Variants in LARGE1 observed in about 807,000 individuals in gnomAD.
LARGE1 encodes LARGE xylosyl- and glucuronyltransferase 1.
In LARGE1, 43 loss-of-function variants were observed where a neutral mutation model predicts 87.6. The ratio of observed to expected loss-of-function variants is 0.49; its 90% CI spans 0.38 to 0.63. The LOEUF is 0.63. Ranked by LOEUF, LARGE1 falls within the 30% of genes least tolerant of loss-of-function variation. The pLI is 0.00. For missense variants in LARGE1, 802 were observed against 1,000.2 expected, an observed-to-expected ratio of 0.80 and a Z score of 2.67; for synonymous variants, 434 against 394.6, an observed-to-expected ratio of 1.10 and a Z score of -1.18.
At chr22:33,207,786 G>A (rs948450049) in intron 11 of LARGE1, among the ~76,000 whole-genome samples, 14 of 152,248 alleles carry the variant, frequency 9.2e-5, no homozygotes, top group Admixed American at 3.9e-4. Context: ...CCAGGCTACC[G>A]TCTTTTAGGC....
At chr22:33,421,419 G>A (rs1374765622) in intron 7 of LARGE1, among the ~76,000 whole-genome samples, 1 of 152,144 alleles carries the variant, frequency 6.6e-6, no homozygotes, top group Non-Finnish European at 1.5e-5. Context: ...GTAACAGGTG[G>A]AGGTGGGACT....
chr22:33,290,423 G>T (rs741981), intron 12 of LARGE1, among the ~76,000 whole-genome samples: 3,203 of 152,236 alleles, frequency 0.021, 103 homozygotes, highest in African/African-American at 0.073. Context: ...TGCAATTTCC[G>T]TATCTGTAAC....
At chr22:33,788,246 C>A (rs1468809670) in intron 1 of LARGE1, among the ~76,000 whole-genome samples, 2 of 152,210 alleles carry the variant, frequency 1.3e-5, no homozygotes, top group Non-Finnish European at 2.9e-5. Flanking sequence ...AAAGGGCATT[C>A]CCCTGCACAA....
intron 2 of LARGE1, among the ~76,000 whole-genome samples, chr22:33,667,747 T>C (rs1283358554): frequency 1.3e-5 from 2 of 152,238 alleles, no homozygotes; most frequent in Admixed American, 1.3e-4. Context: ...TTAAGGCATG[T>C]ATAAACTAGG....
intron 6 of LARGE1, among the ~76,000 whole-genome samples, chr22:33,553,285 C>T (rs1435982016): frequency 5.3e-5 from 8 of 152,046 alleles, no homozygotes; most frequent in Admixed American, 3.3e-4. Flanking sequence ...GCGGGAGGAT[C>T]GCTTGAGCCC....
chr22:33,595,450 A>G (rs930525581), intron 5 of LARGE1, among the ~76,000 whole-genome samples: 5 of 152,300 alleles, frequency 3.3e-5, no homozygotes, highest in Middle Eastern at 3.4e-3. Flanking sequence ...TTGCAGAACC[A>G]CAGAGAATGT....
chr22:33,501,729 G>C (rs1361632300), intron 6 of LARGE1, among the ~76,000 whole-genome samples: 1 of 152,190 alleles, frequency 6.6e-6, no homozygotes, highest in Non-Finnish European at 1.5e-5. Flanking sequence ...CACTCACCCA[G>C]GCATGATGTG....
chr22:33,485,902 G>T (rs999216905), intron 6 of LARGE1, among the ~76,000 whole-genome samples: 8 of 152,160 alleles, frequency 5.3e-5, no homozygotes, highest in Non-Finnish European at 1.0e-4. Flanking sequence ...ATAAGCTCCA[G>T]GTGGGCAGAA....
At chr22:33,248,419 T>C (rs1926867173) in intron 11 of LARGE1, among the ~76,000 whole-genome samples, 2 of 152,130 alleles carry the variant, frequency 1.3e-5, no homozygotes, top group Non-Finnish European at 2.9e-5. Flanking sequence ...CTTGAACTCC[T>C]GACTTCCTGA....
the LARGE1 span, among the ~76,000 whole-genome samples, chr22:33,078,262 T>C: frequency 6.6e-6 from 1 of 152,228 alleles, no homozygotes; most frequent in African/African-American, 2.4e-5. Flanking sequence ...TGCCAAATTG[T>C]CATCATTTAG....
the LARGE1 span, among the ~76,000 whole-genome samples, chr22:33,082,120 C>A: frequency 1.3e-5 from 2 of 152,062 alleles, no homozygotes; most frequent in Non-Finnish European, 2.9e-5. Context: ...CCAAGAGTAT[C>A]CATTTCCTTT....
chr22:33,706,309 C>G (rs527664581), intron 2 of LARGE1, among the ~76,000 whole-genome samples: 1 of 152,276 alleles, frequency 6.6e-6, no homozygotes, highest in Non-Finnish European at 1.5e-5. Context: ...TCCAGGGTAC[C>G]GCCTCCAATG....
intron 1 of LARGE1, among the ~76,000 whole-genome samples, chr22:33,849,278 C>T (rs753483746): frequency 7.2e-5 from 11 of 152,210 alleles, no homozygotes; most frequent in Admixed American, 3.3e-4. Flanking sequence ...CAGAACATCT[C>T]AACCACCTGG....
intron 3 of LARGE1, among the ~76,000 whole-genome samples, chr22:33,635,340 A>G (rs1192956945): frequency 1.3e-5 from 2 of 152,102 alleles, no homozygotes; most frequent in African/African-American, 4.8e-5. Flanking sequence ...TCTGCTGTTC[A>G]GCCTGCGGTC....
intron 3 of LARGE1, among the ~76,000 whole-genome samples, chr22:33,645,876 C>T (rs556455321): frequency 2.0e-5 from 3 of 152,146 alleles, no homozygotes; most frequent in Non-Finnish European, 2.9e-5. Context: ...AAATGCAAAT[C>T]AAAACCACAA....
intron 12 of LARGE1, among the ~76,000 whole-genome samples, chr22:33,293,979 C>T (rs568426581): frequency 2.0e-5 from 3 of 152,360 alleles, no homozygotes; most frequent in African/African-American, 7.2e-5. Flanking sequence ...AATGACCACT[C>T]CTACTAGCCT....
intron 1 of LARGE1, among the ~76,000 whole-genome samples, chr22:33,809,338 A>G (rs1474582664): frequency 6.6e-6 from 1 of 152,096 alleles, no homozygotes; most frequent in Non-Finnish European, 1.5e-5. Flanking sequence ...AGATGGAGCT[A>G]CCATTTATAC....
At chr22:33,541,054 C>CGGGGGGGGGGGGGGGGGGGGGGGGGGGGG (rs57583473) in intron 6 of LARGE1, among the ~76,000 whole-genome samples, 1 of 13,720 alleles carries the variant, frequency 7.3e-5, no homozygotes, top group Admixed American at 1.1e-3. Context: ...TGGTGGGTTG[C>CGGGGGGGGGGGGGGGGGGGGGGGGGGGGG]GGGGGGGGGG....
At chr22:33,086,667 C>T in the LARGE1 span, among the ~76,000 whole-genome samples, 13 of 151,634 alleles carry the variant, frequency 8.6e-5, no homozygotes, top group African/African-American at 1.5e-4. Flanking sequence ...ATTCTCCTGC[C>T]GCAGCCTTCC....
Sources: gnomAD v4.1 joint callset for allele counts (sites outside exome capture counted in the v4.1 genomes callset) on GRCh38, gnomAD v4.1.1 for gene constraint, MANE v1.5 for transcripts, NCBI Gene and HGNC (gene_info 2026-07-23, HGNC 2026-07-21) for gene names.